The following PFDN1 variants were observed in gnomAD, a reference collection of about 807,000 sequenced individuals.
PFDN1 encodes the protein prefoldin 1.
PFDN1 carries 6 observed loss-of-function variants against 17.3 expected under a neutral mutation model. The observed-to-expected ratio is 0.35, with a 90% CI of 0.19 to 0.69. The LOEUF (loss-of-function observed/expected upper bound fraction) is 0.69. PFDN1 is among the 30% of genes least tolerant of loss of function. The pLI, the probability that PFDN1 is intolerant of heterozygous loss-of-function variation, is 0.65. For missense variants in PFDN1, 113 were observed against 146.2 expected, an observed-to-expected ratio of 0.77 and a Z score of 1.17; for synonymous variants, 58 against 50.1, an observed-to-expected ratio of 1.16 and a Z score of -0.67.
At chr5:140,289,515 C>T (rs1765548033) in intron 2 of PFDN1, among the ~76,000 whole-genome samples, 2 of 152,098 alleles carry the variant, frequency 1.3e-5, no homozygotes, top group African/African-American at 4.8e-5. Flanking sequence ...CCATAAATCC[C>T]TCCTTCCTCT....
chr5:140,300,347 G>A, intron 2 of PFDN1, 69 bp downstream of exon 2: 1 of 1,239,134 alleles, frequency 8.1e-7, no homozygotes, highest in East Asian at 2.4e-5. Context: ...GTTTTAAGAT[G>A]AACAAATTCT....
At chr5:140,301,475 C>A (rs925054205) in intron 1 of PFDN1, among the ~76,000 whole-genome samples, 4 of 152,144 alleles carry the variant, frequency 2.6e-5, no homozygotes, top group African/African-American at 9.7e-5. Flanking sequence ...GACTGCAATG[C>A]ACAGCAAAGG....
chr5:140,287,213 T>A (rs1581096240), intron 2 of PFDN1, among the ~76,000 whole-genome samples: 2 of 152,216 alleles, frequency 1.3e-5, no homozygotes, highest in South Asian at 4.1e-4. Flanking sequence ...CACTGGATGG[T>A]AGGAGCCGGG....
At chr5:140,264,955 TA>T (rs922353873) in intron 3 of PFDN1, among the ~76,000 whole-genome samples, 2 of 152,214 alleles carry the variant, frequency 1.3e-5, no homozygotes, top group African/African-American at 4.8e-5. Flanking sequence ...AAAATCCTCT[TA>T]GGGACTTTTT....
intron 2 of PFDN1, among the ~76,000 whole-genome samples, chr5:140,291,639 GAGATTATTA>G (rs1765582627): frequency 6.6e-6 from 1 of 151,126 alleles, no homozygotes; most frequent in Non-Finnish European, 1.5e-5. Context: ...ACTCCTGGAT[GAGATTATTA>G]AGAGACTGAG....
chr5:140,261,498 C>T (rs1765065357), intron 3 of PFDN1, among the ~76,000 whole-genome samples: 2 of 152,034 alleles, frequency 1.3e-5, no homozygotes, highest in Non-Finnish European at 2.9e-5. Context: ...AATAGAGATA[C>T]GGCAACCGGA....
At chr5:140,301,708 A>G (rs1185216363) in intron 1 of PFDN1, among the ~76,000 whole-genome samples, 1 of 152,214 alleles carries the variant, frequency 6.6e-6, no homozygotes, top group Non-Finnish European at 1.5e-5. Flanking sequence ...GTTTGCATTC[A>G]CCGCCCGCAA....
rs569797459 is a variant in PFDN1 at position 140,286,752 on chromosome 5, C to T, written c.201-5219G>A. ...TCTGGAGTAGCTAGGATTATGGGTG[C>T]CTGCCACCACACCCAGTTAATTTTT... On this transcript the variant is annotated intron_variant, in intron 2 of 3. Coordinates refer to ENST00000261813, the MANE Select transcript of PFDN1 (RefSeq NM_002622.5). Among the ~76,000 whole-genome samples the T allele has an allele frequency of 1.8e-4, 27 of 151,796 alleles. No homozygotes were observed. The South Asian group carries it at 5.6e-3, about 32-fold the overall frequency.
intron 3 of PFDN1, among the ~76,000 whole-genome samples, chr5:140,273,012 G>A (rs1398647048): frequency 2.0e-5 from 3 of 151,978 alleles, no homozygotes; most frequent in African/African-American, 7.3e-5. Context: ...GCTATCCCCT[G>A]CCCTCCTTTC....
chr5:140,284,698 T>C (rs1765459025), intron 2 of PFDN1, among the ~76,000 whole-genome samples: 1 of 152,184 alleles, frequency 6.6e-6, no homozygotes, highest in Non-Finnish European at 1.5e-5. Flanking sequence ...AGAGGGAAAG[T>C]ATTCTCTCAT....
At chr5:140,253,459 C>A (rs1764944825) in intron 3 of PFDN1, among the ~76,000 whole-genome samples, 1 of 152,212 alleles carries the variant, frequency 6.6e-6, no homozygotes, top group Non-Finnish European at 1.5e-5. Flanking sequence ...TGTTTAGCTG[C>A]TCGGTCCCCC....
intron 2 of PFDN1, among the ~76,000 whole-genome samples, chr5:140,286,197 G>C (rs1193947662): frequency 6.6e-6 from 1 of 151,742 alleles, no homozygotes; most frequent in Non-Finnish European, 1.5e-5. Context: ...GGTCACTTGA[G>C]TTCAGGAGTT....
chr5:140,254,755 C>A lies in PFDN1; in HGVS notation c.286-8698G>T, dbSNP rs568996116. Among the ~76,000 whole-genome samples the A allele has an allele frequency of 3.3e-5, 5 of 152,374 alleles. No individual in the cohort carries two copies. The East Asian group carries it at 9.6e-4, about 29-fold the overall frequency. On this transcript the variant is annotated intron_variant, in intron 3 of 3. Transcript: ENST00000261813. This position sits in a 1 kb window ranked among gnomAD's most constrained non-coding sequence, Gnocchi z 4.4. The stretch of plus-strand genomic sequence containing the variant: ...ATTCTTCCAGGTCACTTCTGATACT[C>A]TCGCTCCAGCATTTCTTCAACCTCG...
At chr5:140,273,927 T>C (rs1441925596) in intron 3 of PFDN1, 3 of 983,370 alleles carry the variant, frequency 3.1e-6, no homozygotes, top group Admixed American at 1.2e-4. Flanking sequence ...AAGCAGTAAC[T>C]GGCCTCCACC....
intron 3 of PFDN1, among the ~76,000 whole-genome samples, chr5:140,246,728 T>G (rs1764836116): frequency 6.6e-6 from 1 of 152,148 alleles, no homozygotes. Flanking sequence ...TTCACTACTT[T>G]CAGGAGCCAA....
chr5:140,258,208 A>G (rs1765014866), intron 3 of PFDN1, among the ~76,000 whole-genome samples: 1 of 152,148 alleles, frequency 6.6e-6, no homozygotes, highest in South Asian at 2.1e-4. Context: ...ATTAAAAACA[A>G]TCTCACTCAG....
At chr5:140,271,108 C>T (rs1294819059) in intron 3 of PFDN1, among the ~76,000 whole-genome samples, 3 of 152,012 alleles carry the variant, frequency 2.0e-5, no homozygotes, top group Admixed American at 1.3e-4. Flanking sequence ...AATGCTCAAA[C>T]AGAAAAAGAG....
At chr5:140,264,911 G>A (rs1189494726) in intron 3 of PFDN1, among the ~76,000 whole-genome samples, 2 of 152,064 alleles carry the variant, frequency 1.3e-5, no homozygotes, top group African/African-American at 2.4e-5. Context: ...CATAATATGT[G>A]AGTATATATA....
At chr5:140,261,596 C>T (rs966264533) in intron 3 of PFDN1, among the ~76,000 whole-genome samples, 2 of 152,202 alleles carry the variant, frequency 1.3e-5, no homozygotes, top group African/African-American at 4.8e-5. Flanking sequence ...GGCACCTCCT[C>T]GGCTGATTTG....
Sources: allele counts gnomAD v4.1 joint callset (sites outside exome capture counted in the v4.1 genomes callset), GRCh38; gene constraint gnomAD v4.1.1; non-coding constraint Gnocchi (gnomAD v3.1); transcripts MANE v1.5; gene names NCBI Gene and HGNC (gene_info 2026-07-23, HGNC 2026-07-21).